PPEF1: variants seen among roughly 807,000 people sequenced by gnomAD.
PPEF1 encodes the protein serine/threonine-protein phosphatase with EF-hands 1.
PPEF1 carries 12 observed loss-of-function variants against 53.3 expected under a neutral mutation model. The ratio of observed to expected loss-of-function variants is 0.23; its 90% confidence interval spans 0.14 to 0.36. PPEF1 has a LOEUF of 0.36. PPEF1 is among the 10% of genes least tolerant of loss of function. PPEF1 has a pLI of 1.00. For missense variants in PPEF1, 334 were observed against 490.4 expected (o/e 0.68, Z 3.01); for synonymous variants, 165 against 176.7 (o/e 0.93, Z 0.52).
intron 1 of PPEF1, among the ~76,000 whole-genome samples, chrX:18,711,754 CTT>C (rs536021892): frequency 2.2e-5 from 2 of 89,174 alleles, no homozygotes; most frequent in Admixed American, 1.4e-4. Flanking sequence ...ATTACTATAG[CTT>C]TTTTTTTTTT....
At chrX:18,743,731 G>C (rs933499843) in intron 3 of PPEF1, among the ~76,000 whole-genome samples, 5 of 109,773 alleles carry the variant, frequency 4.6e-5, no homozygotes, top group East Asian at 2.9e-4. Context: ...TTACAGGCAT[G>C]AGCCACCGCT....
chrX:18,767,585 T>A (rs1245875977), intron 6 of PPEF1, among the ~76,000 whole-genome samples: 1 of 112,270 alleles, frequency 8.9e-6, no homozygotes, highest in East Asian at 2.8e-4. Flanking sequence ...TGGCACATTT[T>A]AAAAACTTCC....
rs1282965404 is a variant in PPEF1 at position 18,778,990 on chromosome X, C to T, written c.559-20C>T. On this transcript the variant is annotated intron_variant, in intron 6 of 15. Coordinates refer to ENST00000470157, the MANE Select transcript of PPEF1 (RefSeq NM_001377996.1). ...ATATTCTTTTAATTCCTTGTTTTTT[C>T]CCTTCTCCTCCTTCCACAGAATGGT... is the stretch of plus-strand genomic sequence containing the variant. The T allele has an allele frequency of 8.6e-7, 1 of 1,159,660 alleles. No homozygotes were observed. Among genetic ancestry groups the T allele is most frequent in the Non-Finnish European group, 1.2e-6 (1 of 857,258 alleles).
At chrX:18,730,077 G>A (rs1602388749) in intron 1 of PPEF1, 104 bp from the exon 2 acceptor site, 1 of 831,466 alleles carries the variant, frequency 1.2e-6, no homozygotes, top group East Asian at 3.5e-5. Context: ...TTAGAACCTA[G>A]GAATCCAGGT....
At chrX:18,755,569 C>G (rs1464844589) in intron 4 of PPEF1, among the ~76,000 whole-genome samples, 2 of 110,615 alleles carry the variant, frequency 1.8e-5, no homozygotes, top group Non-Finnish European at 3.8e-5. Flanking sequence ...TCCATCCCCC[C>G]CAGCCCCCAA....
intron 4 of PPEF1, among the ~76,000 whole-genome samples, chrX:18,755,565 C>A (rs190382129): frequency 3.0e-3 from 320 of 105,159 alleles, no homozygotes; most frequent in African/African-American, 0.012. Flanking sequence ...AGACTCCATC[C>A]CCCCCAGCCC....
upstream of PPEF1, among the ~76,000 whole-genome samples, chrX:18,703,880 C>A (rs1409012911): frequency 2.0e-5 from 2 of 102,283 alleles, no homozygotes; most frequent in Non-Finnish European, 4.0e-5. Flanking sequence ...ATGCTCAATT[C>A]TTTTTTTCCC....
chrX:18,794,070 G>A (rs775574406), intron 10 of PPEF1, among the ~76,000 whole-genome samples: 1 of 112,482 alleles, frequency 8.9e-6, no homozygotes. Flanking sequence ...CTAGCCGATT[G>A]CTCTATTGTT....
At chrX:18,797,445 A>G (rs1311030025) in intron 10 of PPEF1, among the ~76,000 whole-genome samples, 1 of 111,414 alleles carries the variant, frequency 9.0e-6, no homozygotes, top group Non-Finnish European at 1.9e-5. Context: ...TTACAAAGAG[A>G]CAGAGGCCAG....
At chrX:18,752,363 T>TTGTGTG (rs753584857) in intron 4 of PPEF1, among the ~76,000 whole-genome samples, 49 of 108,744 alleles carry the variant, frequency 4.5e-4, no homozygotes, top group African/African-American at 1.5e-3. Flanking sequence ...CTCTAGTAGT[T>TTGTGTG]TGTGTGTGTG....
At chrX:18,754,289 G>A (rs1463481814) in intron 4 of PPEF1, among the ~76,000 whole-genome samples, 1 of 111,345 alleles carries the variant, frequency 9.0e-6, no homozygotes, top group Non-Finnish European at 1.9e-5. Context: ...TTGTTTGTTT[G>A]TTTTTGCTTG....
intron 9 of PPEF1, among the ~76,000 whole-genome samples, chrX:18,784,262 T>A (rs894295499): frequency 3.1e-4 from 34 of 111,428 alleles, no homozygotes; most frequent in Non-Finnish European, 5.3e-4. Context: ...TGGAAAAAAA[T>A]TTTAAATTCA....
upstream of PPEF1, among the ~76,000 whole-genome samples, chrX:18,707,123 G>A (rs181129160): frequency 8.3e-5 from 9 of 109,010 alleles, no homozygotes; most frequent in Admixed American, 2.9e-4. Flanking sequence ...CACTGCGACC[G>A]GCTGCCTCCT....
chrX:18,751,722 G>T (rs2045448607), intron 4 of PPEF1, among the ~76,000 whole-genome samples: 1 of 112,331 alleles, frequency 8.9e-6, no homozygotes, highest in Non-Finnish European at 1.9e-5. Context: ...GGAGGTTGCA[G>T]TGAGCCGAGA....
intron 9 of PPEF1, among the ~76,000 whole-genome samples, chrX:18,786,839 G>A (rs1197679188): frequency 9.4e-6 from 1 of 106,136 alleles, no homozygotes; most frequent in African/African-American, 3.4e-5. Flanking sequence ...TAAACATATA[G>A]CTTTCTCCTC....
At chrX:18,796,321 AC>A (rs1304323667) in intron 10 of PPEF1, among the ~76,000 whole-genome samples, 1 of 112,716 alleles carries the variant, frequency 8.9e-6, no homozygotes, top group African/African-American at 3.2e-5. Context: ...ACTTTTGAAG[AC>A]TTTTCTTCAG....
intron 14 of PPEF1, among the ~76,000 whole-genome samples, chrX:18,824,529 G>A (rs769388343): frequency 2.1e-4 from 24 of 111,643 alleles, no homozygotes; most frequent in Non-Finnish European, 3.6e-4. Flanking sequence ...GTACACTGTG[G>A]TCTGTTCAGC....
At chrX:18,737,093 A>AT (rs1392736762) in intron 3 of PPEF1, among the ~76,000 whole-genome samples, 2 of 111,137 alleles carry the variant, frequency 1.8e-5, no homozygotes, top group African/African-American at 6.5e-5. Flanking sequence ...GGATTCATTG[A>AT]TTTTTTGAAG....
chrX:18,723,041 G>C (rs760437988), intron 1 of PPEF1, among the ~76,000 whole-genome samples: 3 of 109,401 alleles, frequency 2.7e-5, no homozygotes, highest in Non-Finnish European at 5.7e-5. Context: ...CTAGAGTGCA[G>C]TGGTGTGATC....
Sources: gnomAD v4.1 joint callset for allele counts (sites outside exome capture counted in the v4.1 genomes callset) on GRCh38, gnomAD v4.1.1 for gene constraint, MANE v1.5 for transcripts, NCBI Gene and HGNC (gene_info 2026-07-23, HGNC 2026-07-21) for gene names.